Variants in ANO10 observed in about 807,000 individuals in gnomAD.
ANO10 encodes the protein anoctamin 10.
In ANO10, 77 loss-of-function variants were observed where a neutral mutation model predicts 74.7. The ratio of observed to expected loss-of-function variants is 1.03; its 90% CI spans 0.86 to 1.25. The LOEUF (loss-of-function observed/expected upper bound fraction) is 1.25. Among genes scored for constraint, ANO10 ranks in the 50% most tolerant of loss-of-function variants. ANO10 has a pLI of 0.00. For synonymous variants in ANO10, 279 were observed against 284.9 expected, an observed-to-expected ratio of 0.98 and a Z score of 0.21; for missense variants, 721 against 778.1, an observed-to-expected ratio of 0.93 and a Z score of 0.87.
chr3:43,413,325 T>C (rs1166176534), intron 12 of ANO10, among the ~76,000 whole-genome samples: 2 of 152,190 alleles, frequency 1.3e-5, no homozygotes, highest in African/African-American at 2.4e-5. Flanking sequence ...TCAAATCTTA[T>C]GTTGAATTGT....
intron 1 of ANO10, among the ~76,000 whole-genome samples, chr3:43,688,317 C>T (rs551875372): frequency 7.9e-5 from 12 of 152,188 alleles, no homozygotes; most frequent in Middle Eastern, 6.8e-3. Context: ...GTGTTCCAGG[C>T]GGTAGGGTCT....
intron 11 of ANO10, among the ~76,000 whole-genome samples, chr3:43,525,310 A>G (rs2078147262): frequency 6.6e-6 from 1 of 151,864 alleles, no homozygotes. Flanking sequence ...CCTCATCCCC[A>G]TCTCTCACTT....
intron 12 of ANO10, among the ~76,000 whole-genome samples, chr3:43,416,976 A>G (rs2092748286): frequency 6.6e-6 from 1 of 152,214 alleles, no homozygotes; most frequent in Non-Finnish European, 1.5e-5. Flanking sequence ...TTTCAATAGG[A>G]TTTTAAAAGG....
intron 1 of ANO10, chr3:43,652,801 A>T (rs1375755118): frequency 1.3e-5 from 2 of 152,018 alleles, no homozygotes; most frequent in African/African-American, 4.8e-5. Flanking sequence ...TTGATTATAA[A>T]TTATTTTTAT....
At chr3:43,381,223 T>G (rs567699495) in intron 12 of ANO10, among the ~76,000 whole-genome samples, 12 of 152,288 alleles carry the variant, frequency 7.9e-5, no homozygotes, top group African/African-American at 2.9e-4. Context: ...ATGTCACTAA[T>G]GTTGAATGTA....
At chr3:43,388,605 T>C (rs2092192997) in intron 12 of ANO10, among the ~76,000 whole-genome samples, 2 of 152,226 alleles carry the variant, frequency 1.3e-5, no homozygotes, top group Admixed American at 1.3e-4. Context: ...TGATTTTTCC[T>C]AGGCTCTGAG....
chr3:43,438,310 G>A (rs2148957593), intron 11 of ANO10, among the ~76,000 whole-genome samples: 1 of 152,186 alleles, frequency 6.6e-6, no homozygotes, highest in East Asian at 1.9e-4. Flanking sequence ...TGGGTGTGGT[G>A]CCACATGCCT....
At chr3:43,618,969 T>A (rs2083257936) in intron 1 of ANO10, among the ~76,000 whole-genome samples, 1 of 151,500 alleles carries the variant, frequency 6.6e-6, no homozygotes, top group Admixed American at 6.6e-5. Flanking sequence ...GCTCGGCTAA[T>A]TTTTTTTTGT....
chr3:43,472,404 G>GA (rs2075895499), intron 11 of ANO10: 1 of 72,608 alleles, frequency 1.4e-5, no homozygotes, highest in Non-Finnish European at 3.4e-5. Flanking sequence ...TTTTTAAAAT[G>GA]AAAAAAAGTC....
intron 11 of ANO10, among the ~76,000 whole-genome samples, chr3:43,460,817 G>A (rs1021812269): frequency 9.9e-5 from 15 of 152,084 alleles, no homozygotes; most frequent in Non-Finnish European, 1.6e-4. Context: ...GCCTCAGGGA[G>A]AACTAAGAAA....
intron 11 of ANO10, among the ~76,000 whole-genome samples, chr3:43,531,510 T>A (rs559692215): frequency 6.6e-6 from 1 of 152,186 alleles, no homozygotes; most frequent in African/African-American, 2.4e-5. Context: ...TGCTGCATTT[T>A]AGGTTTCTTA....
chr3:43,459,330 C>T (rs925272794), intron 11 of ANO10, among the ~76,000 whole-genome samples: 3 of 152,102 alleles, frequency 2.0e-5, no homozygotes, highest in African/African-American at 7.2e-5. Flanking sequence ...GATGCACTTC[C>T]CTAGTAAATG....
chr3:43,393,470 C>A (rs1559503590), intron 12 of ANO10, among the ~76,000 whole-genome samples: 1 of 152,174 alleles, frequency 6.6e-6, no homozygotes. Flanking sequence ...CCCAATCTGT[C>A]TTTTTTGATG....
At chr3:43,672,422 T>C (rs1386608373) in intron 1 of ANO10, among the ~76,000 whole-genome samples, 2 of 152,098 alleles carry the variant, frequency 1.3e-5, no homozygotes, top group East Asian at 3.9e-4. Flanking sequence ...TCCCAGCTAG[T>C]TGGGACACTG....
intron 11 of ANO10, among the ~76,000 whole-genome samples, chr3:43,491,089 G>A (rs1249462584): frequency 6.6e-6 from 1 of 152,088 alleles, no homozygotes; most frequent in Admixed American, 6.5e-5. Context: ...GTGAGCATGC[G>A]TACAACTCCA....
intron 4 of ANO10, among the ~76,000 whole-genome samples, chr3:43,582,262 G>A (rs996651336): frequency 8.6e-5 from 13 of 152,018 alleles, no homozygotes; most frequent in Admixed American, 2.0e-4. Flanking sequence ...CCATCCTGCC[G>A]AACACCGTGA....
chr3:43,642,930 T>C (rs1041015662), intron 1 of ANO10, among the ~76,000 whole-genome samples: 9 of 152,208 alleles, frequency 5.9e-5, no homozygotes, highest in African/African-American at 2.2e-4. Flanking sequence ...TGTTGGTGGA[T>C]GTTTAGATTA....
chr3:43,466,814 A>C (rs1290792511), intron 11 of ANO10, among the ~76,000 whole-genome samples: 1 of 152,216 alleles, frequency 6.6e-6, no homozygotes, highest in East Asian at 1.9e-4. Context: ...TAAATGAAAA[A>C]GCACATCATA....
chr3:43,580,288 T>G (rs1332082129), intron 5 of ANO10, 65 bp downstream of exon 5: 4 of 1,606,490 alleles, frequency 2.5e-6, no homozygotes, highest in East Asian at 2.2e-5. Context: ...CTGACTCCAC[T>G]GCTAGATCGT....
Sources: gnomAD v4.1 joint callset for allele counts (sites outside exome capture counted in the v4.1 genomes callset) on GRCh38, gnomAD v4.1.1 for gene constraint, MANE v1.5 for transcripts, NCBI Gene and HGNC (gene_info 2026-07-23, HGNC 2026-07-21) for gene names.